CFHR5: variants seen among roughly 807,000 people sequenced by gnomAD.
CFHR5 encodes the protein complement factor H-related protein 5.
A neutral mutation model predicts 62.9 loss-of-function variants in CFHR5; 73 were observed. The observed-to-expected ratio is 1.16, with a 90% CI of 0.96 to 1.41. The LOEUF is 1.41. Ranked by LOEUF, CFHR5 falls within the 40% of genes most tolerant of loss-of-function variation. CFHR5 has a pLI of 0.00. For missense variants in CFHR5, 779 were observed against 679.9 expected (o/e 1.15, Z -1.62); for synonymous variants, 249 against 227.2 (o/e 1.10, Z -0.86).
At chr1:196,977,091 G>A (rs1653414677), upstream of CFHR5, among the ~76,000 whole-genome samples, 3 of 151,990 alleles carry the variant, frequency 2.0e-5, no homozygotes, top group East Asian at 1.9e-4. Context: ...ACAGGCTTGA[G>A]CCATTGCGCC....
intron 3 of CFHR5, among the ~76,000 whole-genome samples, chr1:196,992,704 A>AATGGCATTTTGT (rs1653879599): frequency 6.6e-6 from 1 of 152,226 alleles, no homozygotes; most frequent in African/African-American, 2.4e-5. Context: ...GTTTTTAACA[A>AATGGCATTTTGT]TTAGTTAAAA....
chr1:196,992,723 T>A (rs1405618711), intron 3 of CFHR5, among the ~76,000 whole-genome samples: 1 of 152,160 alleles, frequency 6.6e-6, no homozygotes, highest in Non-Finnish European at 1.5e-5. Flanking sequence ...AAAAAGACTA[T>A]AAACAACCAA....
In CFHR5 at chr1:196,996,120, T is replaced by G. The variant is rs1384110459; in HGVS notation, c.889T>G (p.Cys297Gly). ...ACATGGAGTTTCAGTCGAGGTGAAT[T>G]GCAGAAATGAATATGCAATGATTGG... is the stretch of plus-strand genomic sequence containing the variant. Reference protein sequence around the residue: ...YQHGVSVEVNCRNEYAMIGNN... With the variant: ...YQHGVSVEVNGRNEYAMIGNN... Residue 297 changes from cysteine (C) to glycine (G), a missense_variant, in exon 6 of 10, where the codon TGC (cysteine) becomes GGC (glycine). Transcript: ENST00000256785. The G allele has an allele frequency of 6.2e-7, 1 of 1,613,562 alleles. No homozygotes were observed. Among genetic ancestry groups the G allele is most frequent in the South Asian group, 1.1e-5 (1 of 91,080 alleles).
chr1:196,981,268 C>T (rs1345102446), intron 1 of CFHR5, among the ~76,000 whole-genome samples: 1 of 151,950 alleles, frequency 6.6e-6, no homozygotes, highest in Non-Finnish European at 1.5e-5. Flanking sequence ...GGAAATATCT[C>T]GAGCTAAAAC....
chr1:196,981,588 C>A (rs897245208), intron 1 of CFHR5, among the ~76,000 whole-genome samples: 44 of 151,994 alleles, frequency 2.9e-4, no homozygotes, highest in African/African-American at 1.0e-3. Flanking sequence ...ATATCTTGCA[C>A]CATAGTGCAT....
intron 3 of CFHR5, among the ~76,000 whole-genome samples, chr1:196,990,569 G>A (rs1472740786): frequency 6.6e-6 from 1 of 152,104 alleles, no homozygotes; most frequent in African/African-American, 2.4e-5. Context: ...AGACCTGGTG[G>A]TGACAAAATC....
At chr1:197,004,585 T>C in intron 8 of CFHR5, 76 bp from the exon 9 acceptor site, 1 of 1,134,286 alleles carries the variant, frequency 8.8e-7, no homozygotes, top group Non-Finnish European at 1.3e-6. Context: ...ATATTAAAGA[T>C]ATGATACATG....
chr1:197,004,979 G>A (rs2125039985), intron 9 of CFHR5, 136 bp downstream of exon 9: 40 of 710,492 alleles, frequency 5.6e-5, no homozygotes, highest in South Asian at 1.5e-4. Context: ...ATACATACAA[G>A]GAAACATTTG....
intron 1 of CFHR5, among the ~76,000 whole-genome samples, chr1:196,980,424 C>T (rs541382056): frequency 2.0e-5 from 3 of 152,062 alleles, no homozygotes; most frequent in Non-Finnish European, 4.4e-5. Flanking sequence ...TATACCAGCA[C>T]TGCCACAAAC....
At position 196,990,107 on chromosome 1, in the gene CFHR5, C is replaced by T. The variant is rs146601545; in HGVS notation, c.431-3973C>T. 6.0e-3 allele frequency among the ~76,000 whole-genome samples: 908 copies of T among 152,216 alleles called. 19 individuals are homozygous for T. The highest frequency in any genetic ancestry group is 0.021 in the African/African-American group (874 of 41,524). Reference sequence around the variant, plus strand: ...TTAGCTCTTCTTGTTGAATTGATCCCTTTACCATTATGTAATGGCCTTCTT... The same window carrying T: ...TTAGCTCTTCTTGTTGAATTGATCCTTTTACCATTATGTAATGGCCTTCTT... On this transcript the variant is annotated intron_variant, in intron 3 of 9. Coordinates refer to ENST00000256785, the MANE Select transcript of CFHR5 (RefSeq NM_030787.4).
intron 9 of CFHR5, among the ~76,000 whole-genome samples, chr1:197,005,390 AT>A (rs1200799309): frequency 2.6e-5 from 4 of 151,854 alleles, no homozygotes; most frequent in African/African-American, 4.8e-5. Context: ...TTTTCACCCT[AT>A]TTTTTTCTAC....
intron 7 of CFHR5, among the ~76,000 whole-genome samples, chr1:197,001,786 T>C (rs1260557280): frequency 6.7e-6 from 1 of 149,392 alleles, no homozygotes; most frequent in East Asian, 2.0e-4. Context: ...CCCACCATTT[T>C]GAAGGGAAGT....
Position 196,984,064 on chromosome 1 carries a change from C to G in CFHR5, c.357C>G (p.Ser119Arg), listed in dbSNP as rs770559120. 5.6e-6 allele frequency: 9 copies of G among 1,613,456 alleles called. No homozygotes were observed. The South Asian group carries it at 8.8e-5, about 16-fold the overall frequency. ...AAATTATTTGCAACACAGGATACAG[C>G]CTTCAAAACAATGAGAAAAACATTT... ...TVQIICNTGY[S>R]LQNNEKNISC... The change falls in exon 3 of 10, where the codon AGC becomes AGG. Residue 119 changes from serine to arginine, a missense_variant. Transcript: ENST00000256785.
rs1486937095 is a variant in CFHR5, at chr1:197,002,560, A to T, written c.1226A>T (p.Asp409Val). 1 of 1,613,416 alleles carries T rather than the reference A, an allele frequency of 6.2e-7. No individual in the cohort carries two copies. Among genetic ancestry groups the T allele is most frequent in the Non-Finnish European group, 8.5e-7 (1 of 1,179,608 alleles). ...QNMTTTVNYQ[D>V]GEKVAVLCKE... Reference sequence around the variant, plus strand: ...ATGACAACCACAGTGAATTATCAGGATGGAGAAAAAGTAGCTGTTCTCTGT... The same window carrying T: ...ATGACAACCACAGTGAATTATCAGGTTGGAGAAAAAGTAGCTGTTCTCTGT... The change falls in exon 8 of 10, where the codon GAT becomes GTT. Residue 409 changes from aspartate (D) to valine (V), a missense_variant. By Grantham distance (152) the Asp-to-Val change is radical. Coordinates refer to ENST00000256785, the MANE Select transcript of CFHR5 (RefSeq NM_030787.4).
At chr1:196,986,299 A>C (rs1394839109) in intron 3 of CFHR5, among the ~76,000 whole-genome samples, 2 of 152,100 alleles carry the variant, frequency 1.3e-5, no homozygotes, top group African/African-American at 2.4e-5. Context: ...TCCATTTACA[A>C]CACCATGCAA....
chr1:197,001,191 A>G (rs1395089328), intron 7 of CFHR5, among the ~76,000 whole-genome samples: 1 of 152,126 alleles, frequency 6.6e-6, no homozygotes, highest in Non-Finnish European at 1.5e-5. Flanking sequence ...AGTCATATAA[A>G]ACATAAAATA....
At chr1:196,984,600 T>C (rs192426270) in intron 3 of CFHR5, among the ~76,000 whole-genome samples, 334 of 152,316 alleles carry the variant, frequency 2.2e-3, no homozygotes, top group African/African-American at 6.7e-3. Flanking sequence ...GTGAGCGGCT[T>C]AGAATTTGGA....
At chr1:196,981,118 A>G (rs1313928835) in intron 1 of CFHR5, among the ~76,000 whole-genome samples, 2 of 152,156 alleles carry the variant, frequency 1.3e-5, no homozygotes, top group Admixed American at 1.3e-4. Flanking sequence ...TAGGTAGTTA[A>G]AAAAGAGAAA....
rs377449701 is a variant in CFHR5 at position 196,995,859 on chromosome 1, A to G, written c.750A>G (p.Gln250=). ...TAATAAACGGGCCTAAGAAAATACA[A>G]TGTGTGGATGGAGAATGGACAACTT... ...NFIINGPKKI[Q]CVDGEWTTLP... Residue 250 remains glutamine (Q), a synonymous_variant, in exon 5 of 10, where the codon CAA becomes CAG. Transcript: ENST00000256785. The G allele has an allele frequency of 1.1e-5, 17 of 1,613,126 alleles. No individual in the cohort carries two copies. The highest frequency in any genetic ancestry group is 1.3e-5 in the African/African-American group (1 of 74,862).
Sources: gnomAD v4.1 joint callset for allele counts (sites outside exome capture counted in the v4.1 genomes callset) on GRCh38, gnomAD v4.1.1 for gene constraint, MANE v1.5 for transcripts, NCBI Gene and HGNC (gene_info 2026-07-23, HGNC 2026-07-21) for gene names.